The following CPED1 variants were observed in gnomAD, a reference collection of about 807,000 sequenced individuals.
CPED1 encodes cadherin like and PC-esterase domain containing 1, also known as cadherin-like and PC-esterase domain-containing protein 1.
Under a neutral mutation model 128.2 loss-of-function variants are expected in CPED1, and 114 were observed. That is an observed-to-expected ratio of 0.89 (90% confidence interval 0.76 to 1.04). The LOEUF (loss-of-function observed/expected upper bound fraction) is 1.04. Among genes scored for constraint, CPED1 ranks in the 50% least tolerant of loss-of-function variants. CPED1 has a pLI of 0.00. For missense variants in CPED1, 1,211 were observed against 1,207.1 expected (o/e 1.00, Z -0.05); for synonymous variants, 462 against 426.7 (o/e 1.08, Z -1.02).
At chr7:121,200,462 C>T (rs1797370923) in intron 16 of CPED1, among the ~76,000 whole-genome samples, 1 of 151,978 alleles carries the variant, frequency 6.6e-6, no homozygotes, top group Non-Finnish European at 1.5e-5. Flanking sequence ...GTGGAAAATG[C>T]TGATTTAAGC....
intron 4 of CPED1, among the ~76,000 whole-genome samples, chr7:121,059,033 T>C (rs943336860): frequency 2.6e-5 from 4 of 152,176 alleles, no homozygotes; most frequent in Non-Finnish European, 5.9e-5. Context: ...AATAGTAACA[T>C]GAATTTAAAA....
At chr7:121,061,163 A>T (rs1252545999) in intron 4 of CPED1, 2 of 755,812 alleles carry the variant, frequency 2.6e-6, no homozygotes, top group Non-Finnish European at 3.2e-6. Context: ...TTGAAGTCAG[A>T]CCAAGAACCC....
At chr7:121,156,570 G>T (rs137863855) in intron 16 of CPED1, among the ~76,000 whole-genome samples, 89 of 152,260 alleles carry the variant, frequency 5.8e-4, no homozygotes, top group African/African-American at 2.0e-3. Context: ...TATATTAAGT[G>T]AAATAAGCCA....
At chr7:121,023,045 A>G (rs1792484067) in intron 3 of CPED1, among the ~76,000 whole-genome samples, 2 of 152,018 alleles carry the variant, frequency 1.3e-5, no homozygotes, top group Admixed American at 1.3e-4. Context: ...TATTTTTCAA[A>G]GTTTTTAACC....
intron 10 of CPED1, among the ~76,000 whole-genome samples, chr7:121,128,138 C>T (rs1435476701): frequency 6.6e-6 from 1 of 152,102 alleles, no homozygotes; most frequent in African/African-American, 2.4e-5. Flanking sequence ...GTTAGCATCT[C>T]CCCAACCTCA....
At chr7:121,148,711 T>G (rs978591007) in intron 16 of CPED1, among the ~76,000 whole-genome samples, 33 of 152,328 alleles carry the variant, frequency 2.2e-4, no homozygotes, top group African/African-American at 7.2e-4. Flanking sequence ...TGAACTGGGC[T>G]GCCCCATAGA....
At chr7:121,117,031 GTATATACACACACA>G (rs1473906531) in intron 7 of CPED1, among the ~76,000 whole-genome samples, 2 of 127,974 alleles carry the variant, frequency 1.6e-5, no homozygotes, top group African/African-American at 3.0e-5. Flanking sequence ...CACATTATAT[GTATATACACACACA>G]TATATACACA....
chr7:121,033,990 C>T (rs1315191774), intron 3 of CPED1, among the ~76,000 whole-genome samples: 11 of 152,064 alleles, frequency 7.2e-5, no homozygotes, highest in Admixed American at 7.2e-4. Context: ...CATTGCATTT[C>T]ACATAAGTCA....
chr7:121,012,008 T>C (rs1792173080), intron 2 of CPED1, among the ~76,000 whole-genome samples: 1 of 152,198 alleles, frequency 6.6e-6, no homozygotes, highest in African/African-American at 2.4e-5. Context: ...CAACCTCATA[T>C]AGTAGGATTT....
At chr7:121,077,421 A>G (rs1231437492) in intron 5 of CPED1, among the ~76,000 whole-genome samples, 1 of 152,150 alleles carries the variant, frequency 6.6e-6, no homozygotes, top group Admixed American at 6.5e-5. Flanking sequence ...GAAAATACAG[A>G]TAAGCAAAAA....
chr7:120,995,250 C>T (rs1024930071), intron 2 of CPED1, among the ~76,000 whole-genome samples: 3 of 152,156 alleles, frequency 2.0e-5, no homozygotes, highest in African/African-American at 7.2e-5. Flanking sequence ...TTGGTGAACC[C>T]CTTATTACCA....
At chr7:121,007,231 ATTTT>A (rs398006038) in intron 2 of CPED1, among the ~76,000 whole-genome samples, 2 of 129,822 alleles carry the variant, frequency 1.5e-5, no homozygotes, top group African/African-American at 5.8e-5. Context: ...TTCAGGTTGC[ATTTT>A]TTTTTTTTTT....
chr7:121,245,369 A>G (rs7795692), intron 18 of CPED1, among the ~76,000 whole-genome samples: 47,580 of 151,906 alleles, frequency 0.31, 7,722 homozygotes, highest in Middle Eastern at 0.45. Flanking sequence ...CTTATGTTGC[A>G]GTGTTATTAA....
At chr7:121,038,828 C>T (rs1080807) in intron 3 of CPED1, among the ~76,000 whole-genome samples, 77,320 of 151,534 alleles carry the variant, frequency 0.51, 20,289 homozygotes, top group South Asian at 0.65. Context: ...ATTTGCCTGA[C>T]GTTTTTCTCA....
At position 121,130,301 on chromosome 7, in the gene CPED1, T is replaced by C. The variant is rs764980687; in HGVS notation, c.1577+7T>C. ...AGCCACATCCACTGGAATGGTAAGA[T>C]AGCCACAAATTTGAATTGTACAATC... On this transcript the variant is annotated splice_region_variant and intron_variant, in intron 12 of 22. Transcript: ENST00000310396. 6.3e-5 allele frequency: 100 copies of C among 1,586,812 alleles called. No homozygotes were observed. In the Middle Eastern group the frequency reaches 6.7e-4, roughly 11 times the overall value.
chr7:121,078,498 GAAAAAAAAAAAA>G (rs529856618), intron 5 of CPED1, among the ~76,000 whole-genome samples: 2 of 101,882 alleles, frequency 2.0e-5, no homozygotes, highest in South Asian at 3.3e-4. Context: ...AAGAAAGAAA[GAAAAAAAAAAAA>G]AAAAAAAAAA....
chr7:121,229,728 A>G (rs932112799), intron 16 of CPED1, among the ~76,000 whole-genome samples: 1 of 152,072 alleles, frequency 6.6e-6, no homozygotes, highest in African/African-American at 2.4e-5. Flanking sequence ...CCCTAACACA[A>G]TATTTGTGCA....
intron 16 of CPED1, among the ~76,000 whole-genome samples, chr7:121,223,043 A>G (rs934415371): frequency 2.6e-5 from 4 of 152,180 alleles, no homozygotes; most frequent in Non-Finnish European, 5.9e-5. Context: ...CAGTTTTCAA[A>G]GGGAATGCTT....
At chr7:121,049,998 T>G (rs1258659116) in intron 4 of CPED1, among the ~76,000 whole-genome samples, 2 of 152,206 alleles carry the variant, frequency 1.3e-5, no homozygotes, top group Non-Finnish European at 2.9e-5. Context: ...TGAGAAACCT[T>G]GATGTGTTCC....
Sources: allele counts gnomAD v4.1 joint callset (sites outside exome capture counted in the v4.1 genomes callset), GRCh38; gene constraint gnomAD v4.1.1; transcripts MANE v1.5; gene names NCBI Gene and HGNC (gene_info 2026-07-23, HGNC 2026-07-21).